The following LHFPL2 variants were observed in gnomAD, a reference collection of about 807,000 sequenced individuals.
The protein encoded by LHFPL2 is LHFPL tetraspan subfamily member 2 protein.
A neutral mutation model predicts 17.5 loss-of-function variants in LHFPL2; 7 were observed. That is an observed-to-expected ratio of 0.40 (90% CI 0.23 to 0.75). The LOEUF is 0.75. Among genes scored for constraint, LHFPL2 ranks in the 30% least tolerant of loss-of-function variants. The pLI, the probability that LHFPL2 is intolerant of heterozygous loss-of-function variation, is 0.37. For missense variants in LHFPL2, 241 were observed against 294.8 expected (o/e 0.82, Z 1.34); for synonymous variants, 134 against 116.2 (o/e 1.15, Z -0.99).
At chr5:78,555,199 C>A (rs1417882153) in intron 3 of LHFPL2, among the ~76,000 whole-genome samples, 1 of 152,216 alleles carries the variant, frequency 6.6e-6, no homozygotes, top group Non-Finnish European at 1.5e-5. Context: ...CAGGGACTCA[C>A]ATGAATACTA....
At chr5:78,576,719 T>G (rs1757145272) in intron 2 of LHFPL2, among the ~76,000 whole-genome samples, 1 of 152,254 alleles carries the variant, frequency 6.6e-6, no homozygotes, top group African/African-American at 2.4e-5. Context: ...AGGCTCCCAC[T>G]GGAGCCAGAT....
intron 2 of LHFPL2, among the ~76,000 whole-genome samples, chr5:78,603,489 G>A (rs1246331202): frequency 6.6e-6 from 1 of 152,220 alleles, no homozygotes; most frequent in Non-Finnish European, 1.5e-5. Context: ...TGGAATGAGA[G>A]CTACGAATGA....
At chr5:78,642,748 T>C (rs1372521796) in intron 1 of LHFPL2, among the ~76,000 whole-genome samples, 1 of 152,192 alleles carries the variant, frequency 6.6e-6, no homozygotes, top group Non-Finnish European at 1.5e-5. Flanking sequence ...AGTTCAGTTT[T>C]GGATTCAACT....
intron 2 of LHFPL2, among the ~76,000 whole-genome samples, chr5:78,594,993 C>G (rs1743773246): frequency 6.6e-6 from 1 of 152,180 alleles, no homozygotes; most frequent in African/African-American, 2.4e-5. Flanking sequence ...TGGGGACCAG[C>G]CTGGCTGGCC....
chr5:78,486,105 T>C lies in LHFPL2; in HGVS notation c.*2792A>G, dbSNP rs897555100. 2 of 152,656 alleles carry C rather than the reference T, an allele frequency of 1.3e-5. No individual in the cohort carries two copies. Among genetic ancestry groups the C allele is most frequent in the Non-Finnish European group, 2.9e-5 (2 of 68,046 alleles). The allele number at this position is 152,656 out of a possible 1,614,324, so 9.5% of individuals were successfully genotyped here. On this transcript the variant is annotated 3_prime_UTR_variant, in exon 5 of 5. Coordinates refer to ENST00000380345, the MANE Select transcript of LHFPL2 (RefSeq NM_005779.3). ...TAATATACATATATATTTTTAAATA[T>C]GCTACACATAAAAAAAGACTATGGC...
intron 2 of LHFPL2, among the ~76,000 whole-genome samples, chr5:78,595,201 G>A (rs1743783061): frequency 6.6e-6 from 1 of 152,214 alleles, no homozygotes; most frequent in Non-Finnish European, 1.5e-5. Context: ...CAGTCAGGAC[G>A]TGGGGATTCT....
At chr5:78,541,669 C>T (rs1281091066) in intron 3 of LHFPL2, among the ~76,000 whole-genome samples, 2 of 152,322 alleles carry the variant, frequency 1.3e-5, no homozygotes, top group East Asian at 1.9e-4. Context: ...AAACAGATCT[C>T]AGCCTTCCGG....
intron 2 of LHFPL2, among the ~76,000 whole-genome samples, chr5:78,566,433 TAA>T (rs1168666191): frequency 6.6e-6 from 1 of 152,172 alleles, no homozygotes; most frequent in African/African-American, 2.4e-5. Flanking sequence ...TCTGAATTCA[TAA>T]AGTCCTTTGT....
At chr5:78,621,599 T>C (rs1477835115) in intron 2 of LHFPL2, among the ~76,000 whole-genome samples, 4 of 152,214 alleles carry the variant, frequency 2.6e-5, no homozygotes, top group East Asian at 1.9e-4. Flanking sequence ...GTCATTTTTA[T>C]TGGGTCTCTT....
At chr5:78,584,540 C>T (rs1743291573) in intron 2 of LHFPL2, among the ~76,000 whole-genome samples, 2 of 152,226 alleles carry the variant, frequency 1.3e-5, no homozygotes, top group South Asian at 4.2e-4. Context: ...GAGTACCGGG[C>T]CGTGTGAGGT....
chr5:78,527,223 G>T (rs1755644117), intron 3 of LHFPL2, among the ~76,000 whole-genome samples: 1 of 152,138 alleles, frequency 6.6e-6, no homozygotes, highest in Non-Finnish European at 1.5e-5. Context: ...CAGCTGGGAA[G>T]ATTAACATGG....
intron 3 of LHFPL2, among the ~76,000 whole-genome samples, chr5:78,554,325 G>T (rs919424778): frequency 5.9e-5 from 9 of 152,266 alleles, no homozygotes; most frequent in Non-Finnish European, 1.2e-4. Context: ...GAAGTGGTTA[G>T]TTAACGACAG....
chr5:78,628,883 A>T (rs1049673489), intron 2 of LHFPL2, among the ~76,000 whole-genome samples: 2 of 152,238 alleles, frequency 1.3e-5, no homozygotes, highest in Admixed American at 6.5e-5. Context: ...CCATTAGGAA[A>T]TAAAGTCAGG....
At chr5:78,519,641 G>A (rs1356650251) in intron 3 of LHFPL2, among the ~76,000 whole-genome samples, 2 of 152,204 alleles carry the variant, frequency 1.3e-5, no homozygotes, top group African/African-American at 2.4e-5. Flanking sequence ...ATAGCCTACC[G>A]CATAGGGATG....
chr5:78,509,451 G>C (rs551134743), intron 4 of LHFPL2, among the ~76,000 whole-genome samples: 49 of 152,332 alleles, frequency 3.2e-4, no homozygotes, highest in Non-Finnish European at 5.3e-4. Context: ...CACTGAAGTG[G>C]AGAGCATGCT....
intron 3 of LHFPL2, among the ~76,000 whole-genome samples, chr5:78,512,613 G>GT (rs1561314781): frequency 6.6e-6 from 1 of 151,902 alleles, no homozygotes; most frequent in Non-Finnish European, 1.5e-5. Flanking sequence ...GAGCCTGCAC[G>GT]TACCCATCAG....
intron 3 of LHFPL2, among the ~76,000 whole-genome samples, chr5:78,545,010 C>T (rs1756228766): frequency 6.6e-6 from 1 of 152,144 alleles, no homozygotes; most frequent in Non-Finnish European, 1.5e-5. Flanking sequence ...CTCACTCCCA[C>T]TCTCTCTCAT....
intron 2 of LHFPL2, among the ~76,000 whole-genome samples, chr5:78,580,963 T>G (rs542683533): frequency 6.6e-6 from 1 of 152,354 alleles, no homozygotes; most frequent in African/African-American, 2.4e-5. Context: ...ACGATATTGA[T>G]TCTTCCTACC....
intron 2 of LHFPL2, among the ~76,000 whole-genome samples, chr5:78,589,580 G>A (rs749706968): frequency 6.6e-6 from 1 of 152,152 alleles, no homozygotes; most frequent in Non-Finnish European, 1.5e-5. Context: ...AGTTCAAATG[G>A]TGTCTACTCT....
Sources: gnomAD v4.1 joint callset for allele counts (sites outside exome capture counted in the v4.1 genomes callset) on GRCh38, gnomAD v4.1.1 for gene constraint, MANE v1.5 for transcripts, NCBI Gene and HGNC (gene_info 2026-07-23, HGNC 2026-07-21) for gene names.